Variants in TRABD2B observed in about 807,000 individuals in gnomAD.
TRABD2B encodes TraB domain containing 2B, also known as metalloprotease TIKI2.
A neutral mutation model predicts 40.1 loss-of-function variants in TRABD2B; 14 were observed. That is an observed-to-expected ratio of 0.35 (90% CI 0.23 to 0.55). The LOEUF (loss-of-function observed/expected upper bound fraction) is 0.55, where lower values mean the gene tolerates loss of function less well. TRABD2B is among the 20% of genes least tolerant of loss of function. TRABD2B has a pLI of 0.90. For synonymous variants in TRABD2B, 263 were observed against 277.0 expected, an observed-to-expected ratio of 0.95 and a Z score of 0.50; for missense variants, 541 against 648.6, an observed-to-expected ratio of 0.83 and a Z score of 1.80.
At chr1:47,960,333 C>T (rs1645493167) in intron 2 of TRABD2B, among the ~76,000 whole-genome samples, 1 of 152,194 alleles carries the variant, frequency 6.6e-6, no homozygotes, top group African/African-American at 2.4e-5. Flanking sequence ...CTCACCACTC[C>T]TATTCAACAT....
At chr1:47,836,966 A>G (rs1035281499) in intron 2 of TRABD2B, among the ~76,000 whole-genome samples, 10 of 152,214 alleles carry the variant, frequency 6.6e-5, no homozygotes, top group African/African-American at 2.2e-4. Flanking sequence ...TTTAGGTCCA[A>G]TAGCCCAAAT....
Position 47,793,542 on chromosome 1 carries a change from G to A in TRABD2B, c.988+1044C>T, listed in dbSNP as rs138597260. Among the ~76,000 whole-genome samples, 1,406 of 152,364 alleles carry A rather than the reference G, an allele frequency of 9.2e-3. 26 individuals carry two copies. Among genetic ancestry groups the A allele is most frequent in the African/African-American group, 0.032 (1,317 of 41,586 alleles). ...CTGCTCGCCCTGGAGGGCGGCATGA[G>A]GGTGACAGGAGGGGAAGGGAACACA... is the stretch of plus-strand genomic sequence containing the variant. On this transcript the variant is annotated intron_variant, in intron 4 of 6. Transcript: ENST00000606738.
intron 6 of TRABD2B, among the ~76,000 whole-genome samples, chr1:47,768,562 T>C (rs938509172): frequency 6.6e-6 from 1 of 152,092 alleles, no homozygotes; most frequent in African/African-American, 2.4e-5. Flanking sequence ...TGATCTGCCT[T>C]CCATCCCTCA....
At chr1:47,771,159 A>G (rs1644372857) in intron 6 of TRABD2B, among the ~76,000 whole-genome samples, 2 of 152,092 alleles carry the variant, frequency 1.3e-5, no homozygotes, top group African/African-American at 2.4e-5. Flanking sequence ...ACCATCCCAG[A>G]AGGAGGACTG....
At chr1:47,861,839 A>C (rs1056622043) in intron 2 of TRABD2B, among the ~76,000 whole-genome samples, 1 of 152,234 alleles carries the variant, frequency 6.6e-6, no homozygotes, top group African/African-American at 2.4e-5. Context: ...AATATTTTTC[A>C]TGAATATAGG....
At chr1:47,795,777 T>C (rs1378815333) in intron 3 of TRABD2B, 1 of 857,116 alleles carries the variant, frequency 1.2e-6, no homozygotes, top group African/African-American at 1.8e-5. Flanking sequence ...GCACCACCAC[T>C]TTCCAGGACA....
intron 2 of TRABD2B, among the ~76,000 whole-genome samples, chr1:47,876,714 C>T (rs1644230175): frequency 6.6e-6 from 1 of 152,224 alleles, no homozygotes; most frequent in Non-Finnish European, 1.5e-5. Flanking sequence ...GGGAGGGGTT[C>T]CGGGAGGGAG....
chr1:47,785,433 G>A (rs1260482850), intron 4 of TRABD2B, among the ~76,000 whole-genome samples: 1 of 152,236 alleles, frequency 6.6e-6, no homozygotes, highest in African/African-American at 2.4e-5. Context: ...GCCTTTACCA[G>A]CTGCTCCTCT....
intron 2 of TRABD2B, among the ~76,000 whole-genome samples, chr1:47,836,366 C>A (rs993372011): frequency 2.0e-5 from 3 of 152,166 alleles, no homozygotes; most frequent in Non-Finnish European, 2.9e-5. Context: ...GGGAGGCCAC[C>A]CTGGTGGCCT....
chr1:47,886,382 G>A (rs1644371301), intron 2 of TRABD2B, among the ~76,000 whole-genome samples: 1 of 152,192 alleles, frequency 6.6e-6, no homozygotes, highest in African/African-American at 2.4e-5. Flanking sequence ...GGCAGGCGGG[G>A]TTTGCTTCTT....
At chr1:47,867,941 C>T (rs1644083744) in intron 2 of TRABD2B, among the ~76,000 whole-genome samples, 1 of 152,102 alleles carries the variant, frequency 6.6e-6, no homozygotes, top group South Asian at 2.1e-4. Flanking sequence ...TTTTGGAGGC[C>T]TGAAATGGAG....
intron 2 of TRABD2B, among the ~76,000 whole-genome samples, chr1:47,848,968 G>A (rs766264728): frequency 1.3e-5 from 2 of 152,184 alleles, no homozygotes; most frequent in African/African-American, 2.4e-5. Context: ...GGTCCCCATC[G>A]GCAACCCTTC....
At chr1:47,876,676 C>T (rs79929245) in intron 2 of TRABD2B, among the ~76,000 whole-genome samples, 1,585 of 152,272 alleles carry the variant, frequency 0.01, 76 homozygotes, top group Admixed American at 0.085. Context: ...CTGGCCCAGC[C>T]GGGGGGCCCA....
intron 2 of TRABD2B, among the ~76,000 whole-genome samples, chr1:47,926,805 C>T (rs1050764891): frequency 6.6e-6 from 1 of 152,328 alleles, no homozygotes; most frequent in East Asian, 1.9e-4. Context: ...CAGCCCTACT[C>T]CCTTCCTCTC....
At chr1:47,944,096 A>G (rs971281113) in intron 2 of TRABD2B, among the ~76,000 whole-genome samples, 1 of 152,226 alleles carries the variant, frequency 6.6e-6, no homozygotes, top group African/African-American at 2.4e-5. Context: ...CAAAGCCTTA[A>G]AGGAGGAAGC....
chr1:47,993,227 G>C (rs1461386687), intron 2 of TRABD2B, among the ~76,000 whole-genome samples: 1 of 152,192 alleles, frequency 6.6e-6, no homozygotes, highest in Non-Finnish European at 1.5e-5. Flanking sequence ...TGAACTCATT[G>C]TTCCCAGGGT....
chr1:47,864,829 T>C (rs1051237494), intron 2 of TRABD2B, among the ~76,000 whole-genome samples: 1 of 152,022 alleles, frequency 6.6e-6, no homozygotes, highest in Non-Finnish European at 1.5e-5. Context: ...CTTTCTCATT[T>C]CTCTCTGTGC....
chr1:47,855,150 A>G (rs1643878709), intron 2 of TRABD2B, among the ~76,000 whole-genome samples: 1 of 152,254 alleles, frequency 6.6e-6, no homozygotes, highest in Admixed American at 6.5e-5. Context: ...AAATATTTCA[A>G]AAGAAGAGTA....
rs1373620127 is a variant in TRABD2B at position 47,875,698 on chromosome 1, A to AG, written c.667-74080_667-74079insC. Among the ~76,000 whole-genome samples, 473 of 132,232 alleles carry AG rather than the reference A, an allele frequency of 3.6e-3. 35 individuals carry two copies. Among genetic ancestry groups the AG allele is most frequent in the African/African-American group, 0.013 (440 of 35,182 alleles). 86.7% of individuals were successfully genotyped at this position (132,232 alleles called of 152,430 possible). ...TCAAAAAAAAAAAAAAAAAAAAAAA[A>AG]AAGAAGAAGGAAAGGAAGAAAGAAA... On this transcript the variant is annotated intron_variant, in intron 2 of 6. Transcript: ENST00000606738.
Sources: gnomAD v4.1 joint callset for allele counts (sites outside exome capture counted in the v4.1 genomes callset) on GRCh38, gnomAD v4.1.1 for gene constraint, MANE v1.5 for transcripts, NCBI Gene and HGNC (gene_info 2026-07-23, HGNC 2026-07-21) for gene names.